SGCD: variants seen among roughly 807,000 people sequenced by gnomAD.
The protein encoded by SGCD is delta-sarcoglycan.
In SGCD, 18 loss-of-function variants were observed where a neutral mutation model predicts 36.6. The ratio of observed to expected loss-of-function variants is 0.49; its 90% CI spans 0.34 to 0.73. The LOEUF (loss-of-function observed/expected upper bound fraction) is 0.73. SGCD is among the 30% of genes least tolerant of loss of function. The pLI is 0.01. For synonymous variants in SGCD, 133 were observed against 130.6 expected, an observed-to-expected ratio of 1.02 and a Z score of -0.12; for missense variants, 387 against 346.7, an observed-to-expected ratio of 1.12 and a Z score of -0.92.
chr5:156,073,026 A>G (rs1039994620), intron 1 of SGCD, among the ~76,000 whole-genome samples: 1 of 152,084 alleles, frequency 6.6e-6, no homozygotes, highest in African/African-American at 2.4e-5. Context: ...CTAGTTATAC[A>G]TTCATCTAAA....
intron 4 of SGCD, among the ~76,000 whole-genome samples, chr5:156,549,187 G>T (rs1429676121): frequency 1.1e-4 from 16 of 151,024 alleles, no homozygotes; most frequent in Non-Finnish European, 1.5e-5. Context: ...ATATTACCTT[G>T]CCCAAGGTAT....
At chr5:156,170,021 A>C (rs968783516) in intron 3 of SGCD, among the ~76,000 whole-genome samples, 1 of 152,156 alleles carries the variant, frequency 6.6e-6, no homozygotes, top group Non-Finnish European at 1.5e-5. Flanking sequence ...AGATGGATAA[A>C]AATATTGGCT....
At chr5:155,996,866 TA>T (rs34184177) in intron 1 of SGCD, among the ~76,000 whole-genome samples, 32,958 of 103,660 alleles carry the variant, frequency 0.32, 4,501 homozygotes, top group South Asian at 0.42. Flanking sequence ...GATGGATGGA[TA>T]GATAGATAGA....
chr5:155,728,938 C>G, the SGCD span, among the ~76,000 whole-genome samples: 1 of 152,244 alleles, frequency 6.6e-6, no homozygotes, highest in Non-Finnish European at 1.5e-5. Flanking sequence ...TTCGCGGACT[C>G]CGCGCGCACC....
chr5:155,775,690 G>T, the SGCD span, among the ~76,000 whole-genome samples: 1 of 152,056 alleles, frequency 6.6e-6, no homozygotes, highest in Admixed American at 6.6e-5. Context: ...TGGTCAATAT[G>T]TCCATTTATT....
rs1765602155 is a variant in SGCD, at chr5:156,252,289, G to A, written c.-43-77245G>A. On this transcript the variant is annotated intron_variant, in intron 3 of 9. Transcript: ENST00000517913. ...ATGGGGTTTCTCCATGTTGGTCAGG[G>A]TGGTCTCGAACTTCCAGCCTCAGGT... Among the ~76,000 whole-genome samples the A allele has an allele frequency of 2.0e-5, 3 of 151,878 alleles. No homozygotes were observed. The South Asian group carries it at 6.3e-4, about 32-fold the overall frequency.
At chr5:155,825,813 A>T in the SGCD span, among the ~76,000 whole-genome samples, 1 of 151,844 alleles carries the variant, frequency 6.6e-6, no homozygotes, top group African/African-American at 2.4e-5. Context: ...AAGTGGCACA[A>T]TCTCGGCTCA....
intron 3 of SGCD, among the ~76,000 whole-genome samples, chr5:156,396,651 G>A (rs1357006428): frequency 6.6e-6 from 1 of 152,142 alleles, no homozygotes; most frequent in African/African-American, 2.4e-5. Context: ...CCTCTGGACA[G>A]TATTGTTGAA....
At chr5:156,235,796 G>A (rs1248506969) in intron 3 of SGCD, among the ~76,000 whole-genome samples, 1 of 152,114 alleles carries the variant, frequency 6.6e-6, no homozygotes, top group African/African-American at 2.4e-5. Context: ...TTTTGTGCAA[G>A]GTATTTTATT....
intron 3 of SGCD, among the ~76,000 whole-genome samples, chr5:156,455,546 G>T (rs1754221935): frequency 6.6e-6 from 1 of 151,870 alleles, no homozygotes; most frequent in African/African-American, 2.4e-5. Flanking sequence ...TAACATGACA[G>T]GGGCATTTTT....
the SGCD span, among the ~76,000 whole-genome samples, chr5:155,850,626 A>C: frequency 3.4e-4 from 52 of 152,276 alleles, no homozygotes; most frequent in Middle Eastern, 6.8e-3. Flanking sequence ...CAGCTGCACA[A>C]ACATTTGCTG....
At chr5:155,912,516 C>T (rs544901756) in intron 1 of SGCD, among the ~76,000 whole-genome samples, 4 of 152,256 alleles carry the variant, frequency 2.6e-5, no homozygotes, top group African/African-American at 7.2e-5. Context: ...CAGGCTGAAG[C>T]GGCACAGTCT....
intron 3 of SGCD, among the ~76,000 whole-genome samples, chr5:156,294,784 T>C (rs1241839857): frequency 6.6e-6 from 1 of 152,190 alleles, no homozygotes; most frequent in Non-Finnish European, 1.5e-5. Context: ...TATATCAAAT[T>C]GTTGAATTTT....
chr5:156,214,697 A>G lies in SGCD; in HGVS notation c.-44+90678A>G, dbSNP rs544040572. Among the ~76,000 whole-genome samples the G allele has an allele frequency of 7.9e-5, 12 of 152,242 alleles. No individual in the cohort carries two copies. The East Asian group carries it at 1.9e-3, about 24-fold the overall frequency. ...GCATCACATTACATGATTTCAAATT[A>G]TATTTCAAAGCTGTAATAATCAAAA... On this transcript the variant is annotated intron_variant, in intron 3 of 9. Coordinates refer to the SGCD transcript ENST00000517913.
chr5:156,685,565 A>T (rs942516842), intron 7 of SGCD, among the ~76,000 whole-genome samples: 1 of 152,140 alleles, frequency 6.6e-6, no homozygotes, highest in Non-Finnish European at 1.5e-5. Flanking sequence ...GCTCCTAGGG[A>T]TGTAGGGTAT....
intron 3 of SGCD, among the ~76,000 whole-genome samples, chr5:156,194,722 A>G (rs2127634152): frequency 6.6e-6 from 1 of 152,208 alleles, no homozygotes; most frequent in East Asian, 1.9e-4. Flanking sequence ...GTACTGTAAT[A>G]TAATAATATA....
In SGCD at chr5:156,274,186, A is replaced by G. The variant is rs1304290727; in HGVS notation, c.-43-55348A>G. Among the ~76,000 whole-genome samples the G allele has an allele frequency of 2.6e-5, 4 of 152,172 alleles. No homozygotes were observed. The East Asian group carries it at 7.7e-4, about 29-fold the overall frequency. ...GAGTGACAATAAGGTACTTGCTTCA[A>G]AAACAAAATTTCAGGGGACACTAAA... On this transcript the variant is annotated intron_variant, in intron 3 of 9. Coordinates refer to the SGCD transcript ENST00000517913.
At chr5:156,307,237 A>G (rs531222604) in intron 3 of SGCD, among the ~76,000 whole-genome samples, 2 of 152,070 alleles carry the variant, frequency 1.3e-5, no homozygotes, top group Non-Finnish European at 2.9e-5. Flanking sequence ...TTGTGGAGAC[A>G]GACTTTGACC....
intron 7 of SGCD, among the ~76,000 whole-genome samples, chr5:156,722,451 C>T (rs10056915): frequency 5.3e-5 from 8 of 152,176 alleles, no homozygotes; most frequent in Admixed American, 3.9e-4. Flanking sequence ...GCCCTGATGA[C>T]AGTGTTGTCA....
Sources: allele counts gnomAD v4.1 joint callset (sites outside exome capture counted in the v4.1 genomes callset), GRCh38; gene constraint gnomAD v4.1.1; transcripts MANE v1.5; gene names NCBI Gene and HGNC (gene_info 2026-07-23, HGNC 2026-07-21).